The following ETV6 variants were observed in gnomAD, a reference collection of about 807,000 sequenced individuals.
ETV6 encodes transcription factor ETV6.
ETV6 carries 16 observed loss-of-function variants against 51.1 expected under a neutral mutation model. That is an observed-to-expected ratio of 0.31 (90% CI 0.21 to 0.48). The LOEUF is 0.48. ETV6 is among the 20% of genes least tolerant of loss of function. The pLI is 0.99. For synonymous variants in ETV6, 240 were observed against 224.1 expected, an observed-to-expected ratio of 1.07 and a Z score of -0.64; for missense variants, 458 against 594.8, an observed-to-expected ratio of 0.77 and a Z score of 2.39.
At chr12:11,855,644 C>T (rs1396042217) in intron 4 of ETV6, among the ~76,000 whole-genome samples, 4 of 152,188 alleles carry the variant, frequency 2.6e-5, no homozygotes, top group African/African-American at 4.8e-5. Flanking sequence ...CAAAAGAGAG[C>T]CTGACTCCAG....
chr12:11,770,566 C>T (rs2136351456), intron 2 of ETV6, among the ~76,000 whole-genome samples: 1 of 152,298 alleles, frequency 6.6e-6, no homozygotes, highest in South Asian at 2.1e-4. Context: ...GGATGCTAGA[C>T]TTGTTTTGTT....
Position 11,872,957 on chromosome 12 carries a change from G to A in ETV6, c.1009+2988G>A, listed in dbSNP as rs147166300. On this transcript the variant is annotated intron_variant, in intron 5 of 7. Transcript: ENST00000396373. ...AAGGGCACACAGAAATAGGCAATAT[G>A]TGCTTTTCTTGATGGCTCTAGGAAG... 4.6e-5 allele frequency among the ~76,000 whole-genome samples: 7 copies of A among 152,290 alleles called. No individual in the cohort carries two copies. In the East Asian group the frequency reaches 1.3e-3, roughly 29 times the overall value.
intron 1 of ETV6, among the ~76,000 whole-genome samples, chr12:11,688,907 G>A (rs1864690127): frequency 2.0e-5 from 3 of 152,010 alleles, no homozygotes; most frequent in Admixed American, 2.0e-4. Flanking sequence ...TTTAAATACA[G>A]GCTCCAAAAT....
chr12:11,749,349 AC>A (rs1245311413), intron 1 of ETV6, among the ~76,000 whole-genome samples: 7 of 123,670 alleles, frequency 5.7e-5, no homozygotes, highest in Non-Finnish European at 1.7e-5. Context: ...ACACACACAC[AC>A]CCCTACTCCC....
intron 2 of ETV6, among the ~76,000 whole-genome samples, chr12:11,772,960 C>T (rs572242109): frequency 3.3e-5 from 5 of 151,988 alleles, no homozygotes; most frequent in East Asian, 3.9e-4. Flanking sequence ...TTTGGGAGGC[C>T]GAGGCAGGTG....
rs796947915 is a variant in ETV6 at position 11,667,539 on chromosome 12, T to TTC, written c.33+17380_33+17381insCT. Among the ~76,000 whole-genome samples, 506 of 100,144 alleles carry TTC rather than the reference T, an allele frequency of 5.1e-3. 6 individuals are homozygous for TTC. The highest frequency in any genetic ancestry group is 0.025 in the African/African-American group (461 of 18,646). The allele number at this position is 100,144 out of a possible 152,430, so 65.7% of individuals were successfully genotyped here. On this transcript the variant is annotated intron_variant, in intron 1 of 7. Coordinates refer to ENST00000396373, the MANE Select transcript of ETV6 (RefSeq NM_001987.5). ...GAACAAACCTGGTGGTTTATTTTCTTTTTTTTTTTTTTAAATGGGGACTTG... is the reference window on the plus strand; with the variant it reads ...GAACAAACCTGGTGGTTTATTTTCTTTCTTTTTTTTTTTTAAATGGGGACTTG...
intron 2 of ETV6, among the ~76,000 whole-genome samples, chr12:11,764,150 C>A (rs187962227): frequency 6.6e-6 from 1 of 152,270 alleles, no homozygotes; most frequent in Admixed American, 6.5e-5. Context: ...TACCTCAAGT[C>A]CCTAATATCT....
intron 7 of ETV6, among the ~76,000 whole-genome samples, chr12:11,886,531 T>C (rs1947188703): frequency 6.6e-6 from 1 of 151,946 alleles, no homozygotes; most frequent in African/African-American, 2.4e-5. Flanking sequence ...GCATGACATG[T>C]AGCAAGAATG....
rs370498600 is a variant in ETV6, at chr12:11,841,290, C to T, written c.328+1986C>T. On this transcript the variant is annotated intron_variant, in intron 3 of 7. Coordinates refer to ENST00000396373, the MANE Select transcript of ETV6 (RefSeq NM_001987.5). ...GGGCCATGTGGAAGATGGTGCTGCTCTCAAGGAAGTTACTGTCCAGTTAGA... is the reference window on the plus strand; with the variant it reads ...GGGCCATGTGGAAGATGGTGCTGCTTTCAAGGAAGTTACTGTCCAGTTAGA... Among the ~76,000 whole-genome samples the T allele has an allele frequency of 1.2e-3, 181 of 152,060 alleles. 1 individual carries two copies. The highest frequency in any genetic ancestry group is 4.3e-3 in the African/African-American group (177 of 41,390).
At chr12:11,680,091 G>A (rs188563333) in intron 1 of ETV6, among the ~76,000 whole-genome samples, 4 of 152,248 alleles carry the variant, frequency 2.6e-5, no homozygotes, top group Admixed American at 2.6e-4. Flanking sequence ...AGGGCATTTT[G>A]ACCTCCGAAT....
chr12:11,840,530 C>A, intron 3 of ETV6: 2 of 455,946 alleles, frequency 4.4e-6, no homozygotes, highest in Non-Finnish European at 8.8e-6. Flanking sequence ...TCCCTAACTA[C>A]GTTCAACCTT....
At chr12:11,682,314 C>G (rs1371959804) in intron 1 of ETV6, among the ~76,000 whole-genome samples, 3 of 152,114 alleles carry the variant, frequency 2.0e-5, no homozygotes, top group Non-Finnish European at 2.9e-5. Context: ...TCTGTAATGA[C>G]CAGTGATGAT....
intron 1 of ETV6, among the ~76,000 whole-genome samples, chr12:11,747,786 G>A (rs148221931): frequency 1.3e-4 from 20 of 152,252 alleles, no homozygotes; most frequent in South Asian, 6.2e-4. Flanking sequence ...AAATTTCAGC[G>A]TATTCAATTT....
At chr12:11,795,897 T>G (rs186052746) in intron 2 of ETV6, among the ~76,000 whole-genome samples, 1 of 152,262 alleles carries the variant, frequency 6.6e-6, no homozygotes, top group East Asian at 1.9e-4. Context: ...CTTAGTACAG[T>G]GTCTGTCACA....
rs1457301823 is a variant in ETV6, at chr12:11,890,957, G to A, written c.1270G>A (p.Asp424Asn). The change falls in exon 8 of 8, where the codon GAT (aspartate) becomes AAT (asparagine). Residue 424 changes from aspartate to asparagine, a missense_variant. Physicochemically the swap from Asp to Asn is conservative, Grantham distance 23. This residue lies in a region of ETV6 where 55 missense variants were observed against 151.2 expected (regional missense o/e 0.36). Coordinates refer to ENST00000396373, the MANE Select transcript of ETV6 (RefSeq NM_001987.5). Reference protein sequence around the residue: ...RLLFRFMKTPDEIMSGRTDRL... With the variant: ...RLLFRFMKTPNEIMSGRTDRL... ...CTTCCAAAGGTTTATGAAAACCCCA[G>A]ATGAAATCATGAGTGGCCGAACAGA... The A allele has an allele frequency of 1.2e-6, 2 of 1,613,772 alleles. No homozygotes were observed. The highest frequency in any genetic ancestry group is 2.2e-5 in the South Asian group (2 of 91,058).
At chr12:11,766,357 A>G (rs1945160627) in intron 2 of ETV6, among the ~76,000 whole-genome samples, 1 of 152,194 alleles carries the variant, frequency 6.6e-6, no homozygotes, top group Non-Finnish European at 1.5e-5. Flanking sequence ...GAAATGACAA[A>G]TTAAAGACAT....
Position 11,779,015 on chromosome 12 carries a change from G to A in ETV6, c.163+26436G>A, listed in dbSNP as rs537119930. Among the ~76,000 whole-genome samples, 5 of 152,290 alleles carry A rather than the reference G, an allele frequency of 3.3e-5. No homozygotes were observed. In the East Asian group the frequency reaches 7.7e-4, roughly 24 times the overall value. On this transcript the variant is annotated intron_variant, in intron 2 of 7. Coordinates refer to ENST00000396373, the MANE Select transcript of ETV6 (RefSeq NM_001987.5). Reference sequence around the variant, plus strand: ...TTACATTGTAAGTAGATACTAGCGTGGCTTTTGTCCTTCCTATATCTAGGC... The same window carrying A: ...TTACATTGTAAGTAGATACTAGCGTAGCTTTTGTCCTTCCTATATCTAGGC...
At chr12:11,679,895 C>T (rs1323636438) in intron 1 of ETV6, among the ~76,000 whole-genome samples, 1 of 152,220 alleles carries the variant, frequency 6.6e-6, no homozygotes, top group Non-Finnish European at 1.5e-5. Flanking sequence ...CATTATATTA[C>T]TCTTCTCAAG....
intron 1 of ETV6, among the ~76,000 whole-genome samples, chr12:11,715,051 A>G (rs1591627551): frequency 6.6e-6 from 1 of 152,284 alleles, no homozygotes; most frequent in African/African-American, 2.4e-5. Context: ...TAAAATGTGG[A>G]GATCGTTTTG....
Sources: allele counts gnomAD v4.1 joint callset (sites outside exome capture counted in the v4.1 genomes callset), GRCh38; gene constraint gnomAD v4.1.1; regional missense constraint gnomAD v4.1.1; transcripts MANE v1.5; gene names NCBI Gene and HGNC (gene_info 2026-07-23, HGNC 2026-07-21).